The following MALRD1 variants were observed in gnomAD, a reference collection of about 807,000 sequenced individuals.
MALRD1 encodes MAM and LDL-receptor class A domain-containing protein 1.
Under a neutral mutation model 242.1 loss-of-function variants are expected in MALRD1, and 247 were observed. The ratio of observed to expected loss-of-function variants is 1.02; its 90% CI spans 0.92 to 1.13. The LOEUF is 1.13. Ranked by LOEUF, MALRD1 falls within the 50% of genes most tolerant of loss-of-function variation. The pLI is 0.00. For missense variants in MALRD1, 2,989 were observed against 2,533.1 expected (o/e 1.18, Z -3.86); for synonymous variants, 995 against 866.6 (o/e 1.15, Z -2.60).
Position 19,146,271 on chromosome 10 carries a change from G to T in MALRD1, c.1485G>T (p.Trp495Cys). ...CATTTCTCACAGAAGATTCACACTG[G>T]AAGCTGATGAAAGGATTGAATAATG... ...WEPFLTEDSHWKLMKGLNNGE... is the reference protein window; with the variant it reads ...WEPFLTEDSHCKLMKGLNNGE... Residue 495 changes from tryptophan to cysteine, a missense_variant, in exon 11 of 40, where the codon TGG becomes TGT. Transcript: ENST00000454679. 8.1e-7 allele frequency: 1 copy of T among 1,231,594 alleles called. No individual in the cohort carries two copies. Among genetic ancestry groups the T allele is most frequent in the South Asian group, 4.1e-5 (1 of 24,306 alleles). 76.3% of individuals were successfully genotyped at this position (1,231,594 alleles called of 1,614,324 possible).
At chr10:19,248,222 A>T (rs1839147354) in intron 18 of MALRD1, among the ~76,000 whole-genome samples, 1 of 152,066 alleles carries the variant, frequency 6.6e-6, no homozygotes, top group East Asian at 1.9e-4. Context: ...CTTTAGGCCA[A>T]ATTTAATTTA....
chr10:19,641,831 G>C (rs1206965835), intron 36 of MALRD1, among the ~76,000 whole-genome samples: 2 of 152,068 alleles, frequency 1.3e-5, no homozygotes, highest in African/African-American at 4.8e-5. Flanking sequence ...GGCTTCCCCA[G>C]AGTGAAATTG....
At chr10:19,285,363 T>C (rs1452665885) in intron 21 of MALRD1, among the ~76,000 whole-genome samples, 2 of 144,072 alleles carry the variant, frequency 1.4e-5, no homozygotes, top group South Asian at 4.7e-4. Context: ...CTAGGTTTTC[T>C]TCTAGGGTTT....
At chr10:19,286,618 A>G (rs1274815424) in intron 21 of MALRD1, among the ~76,000 whole-genome samples, 1 of 152,094 alleles carries the variant, frequency 6.6e-6, no homozygotes, top group East Asian at 1.9e-4. Context: ...AGACTAAACC[A>G]GGAAGAAGTT....
intron 18 of MALRD1, among the ~76,000 whole-genome samples, chr10:19,256,628 A>G (rs142691402): frequency 1.5e-3 from 233 of 152,192 alleles, no homozygotes; most frequent in African/African-American, 5.0e-3. Flanking sequence ...TTTCTCAGTG[A>G]CAAATCAGGG....
intron 29 of MALRD1, among the ~76,000 whole-genome samples, chr10:19,479,743 A>G (rs1169565011): frequency 6.6e-5 from 10 of 152,310 alleles, no homozygotes; most frequent in Non-Finnish European, 8.8e-5. Context: ...AGCAGCTGTC[A>G]TGTAAACAGA....
chr10:19,647,583 C>G (rs530462126), intron 36 of MALRD1, among the ~76,000 whole-genome samples: 4 of 152,128 alleles, frequency 2.6e-5, no homozygotes, highest in Admixed American at 2.6e-4. Flanking sequence ...CAACACTGTC[C>G]CAAGTAAACC....
chr10:19,352,146 G>C lies in MALRD1; in HGVS notation c.4290G>C (p.Leu1430=). The change falls in exon 26 of 40, where the codon CTG becomes CTC. Residue 1430 remains leucine (L), a synonymous_variant. Coordinates refer to ENST00000454679, the MANE Select transcript of MALRD1 (RefSeq NM_001142308.3). The part of the protein sequence containing the change: ...GNFWRREELS[L]FGDEDFQLKF... Reference sequence around the variant, plus strand: ...TCTGGCGGAGAGAAGAACTGTCACTGTTTGGTGATGAAGACTTCCAACTCA... The same window carrying C: ...TCTGGCGGAGAGAAGAACTGTCACTCTTTGGTGATGAAGACTTCCAACTCA... The C allele has an allele frequency of 1.3e-6, 2 of 1,550,600 alleles. No individual in the cohort carries two copies. The highest frequency in any genetic ancestry group is 8.7e-7 in the Non-Finnish European group (1 of 1,146,948).
Position 19,496,687 on chromosome 10 carries a change from G to C in MALRD1, c.5159-1798G>C, listed in dbSNP as rs79268414. Reference sequence around the variant, plus strand: ...ATTGGTGGGACATCTGCATAAAAGTGTGAAAGGCCATGGAAAGGGATGACT... The same window carrying C: ...ATTGGTGGGACATCTGCATAAAAGTCTGAAAGGCCATGGAAAGGGATGACT... On this transcript the variant is annotated intron_variant, in intron 30 of 39. Coordinates refer to ENST00000454679, the MANE Select transcript of MALRD1 (RefSeq NM_001142308.3). Among the ~76,000 whole-genome samples, 889 of 152,246 alleles carry C rather than the reference G, an allele frequency of 5.8e-3. 14 individuals are homozygous for C. Among genetic ancestry groups the C allele is most frequent in the Admixed American group, 0.023 (346 of 15,284 alleles).
intron 4 of MALRD1, among the ~76,000 whole-genome samples, chr10:19,088,536 CTTT>C (rs748953378): frequency 0.12 from 12,760 of 109,698 alleles, 650 homozygotes; most frequent in African/African-American, 0.18. Context: ...CTCTTTCTTT[CTTT>C]TTTTTTTTTT....
At chr10:19,316,216 C>T (rs1235214890) in intron 21 of MALRD1, among the ~76,000 whole-genome samples, 2 of 151,578 alleles carry the variant, frequency 1.3e-5, no homozygotes, top group African/African-American at 4.8e-5. Context: ...TATTTACTTC[C>T]AGAGCAATGC....
intron 8 of MALRD1, among the ~76,000 whole-genome samples, chr10:19,133,579 C>T (rs957491883): frequency 6.6e-5 from 10 of 152,096 alleles, no homozygotes; most frequent in South Asian, 2.1e-4. Flanking sequence ...ATTTTTGAAA[C>T]GCAGTACTGT....
rs1843773879 is a variant in MALRD1 at position 19,339,970 on chromosome 10, A to T, written c.3902-7801A>T. On this transcript the variant is annotated intron_variant, in intron 24 of 39. Coordinates refer to ENST00000454679, the MANE Select transcript of MALRD1 (RefSeq NM_001142308.3). ...CATGGAAGCAGAAGAGAGAGAACGA[A>T]GGAGTGAGTGCCATACTTTTAAACC... Among the ~76,000 whole-genome samples the T allele has an allele frequency of 2.0e-5, 3 of 152,142 alleles. No individual in the cohort carries two copies. In the South Asian group the frequency reaches 6.2e-4, roughly 32 times the overall value.
At chr10:19,051,117 T>A (rs376693519) in intron 1 of MALRD1, among the ~76,000 whole-genome samples, 1 of 152,198 alleles carries the variant, frequency 6.6e-6, no homozygotes, top group Non-Finnish European at 1.5e-5. Flanking sequence ...AATCTGCAGA[T>A]AAAAATTGAG....
At chr10:19,629,884 T>G (rs549039937) in intron 36 of MALRD1, among the ~76,000 whole-genome samples, 1 of 152,182 alleles carries the variant, frequency 6.6e-6, no homozygotes, top group Non-Finnish European at 1.5e-5. Context: ...TATGTCAGAG[T>G]AGAAGCTTTT....
chr10:19,587,077 G>A (rs934409231), intron 33 of MALRD1, among the ~76,000 whole-genome samples: 14 of 152,344 alleles, frequency 9.2e-5, no homozygotes, highest in African/African-American at 3.4e-4. Context: ...GCCTCGCCCT[G>A]CTTCGGCTCG....
At chr10:19,502,020 AAAAAAGAAAAG>A (rs1206288225) in intron 31 of MALRD1, among the ~76,000 whole-genome samples, 1,687 of 115,898 alleles carry the variant, frequency 0.015, 80 homozygotes, top group East Asian at 0.068. Context: ...CTCAAAAAAA[AAAAAAGAAAAG>A]AAAAGAAAAG....
intron 23 of MALRD1, among the ~76,000 whole-genome samples, chr10:19,330,086 A>G (rs12260402): frequency 0.78 from 118,582 of 152,016 alleles, 46,688 homozygotes; most frequent in African/African-American, 0.87. Flanking sequence ...TAAGAAAGTC[A>G]TAGTCCTTAT....
rs964561265 is a variant in MALRD1 at position 19,441,849 on chromosome 10, T to G, written c.4846-8458T>G. 3.3e-5 allele frequency among the ~76,000 whole-genome samples: 5 copies of G among 152,218 alleles called. No homozygotes were observed. In the South Asian group the frequency reaches 6.2e-4, roughly 19 times the overall value. ...TGGTTCCATATGAACTTTAAAGTAG[T>G]TTTTTTCCAATTCTGTGAAGAAAGT... On this transcript the variant is annotated intron_variant, in intron 28 of 39. Transcript: ENST00000454679.
Sources: gnomAD v4.1 joint callset for allele counts (sites outside exome capture counted in the v4.1 genomes callset) on GRCh38, gnomAD v4.1.1 for gene constraint, MANE v1.5 for transcripts, NCBI Gene and HGNC (gene_info 2026-07-23, HGNC 2026-07-21) for gene names.